The following DCC variants were observed in gnomAD, a reference collection of about 807,000 sequenced individuals.
DCC encodes netrin receptor DCC.
DCC carries 58 observed loss-of-function variants against 172.5 expected under a neutral mutation model. The ratio of observed to expected loss-of-function variants is 0.34; its 90% CI spans 0.27 to 0.42. The LOEUF is 0.42. Among genes scored for constraint, DCC ranks in the 10% least tolerant of loss-of-function variants. The pLI, the probability that DCC is intolerant of heterozygous loss-of-function variation, is 1.00. For missense variants in DCC, 1,740 were observed against 1,791.0 expected, an observed-to-expected ratio of 0.97 and a Z score of 0.51; for synonymous variants, 709 against 644.5, an observed-to-expected ratio of 1.10 and a Z score of -1.52.
intron 1 of DCC, among the ~76,000 whole-genome samples, chr18:52,510,466 A>G (rs746863795): frequency 2.6e-5 from 4 of 152,140 alleles, no homozygotes; most frequent in Non-Finnish European, 5.9e-5. Context: ...GATGCTGAAG[A>G]CATTTGGGCT....
chr18:53,080,789 A>T (rs1266503490), intron 7 of DCC, among the ~76,000 whole-genome samples: 1 of 152,090 alleles, frequency 6.6e-6, no homozygotes, highest in Admixed American at 6.6e-5. Context: ...GGAGCTTTTG[A>T]TGCTGACTGG....
In DCC at chr18:52,923,278, A is replaced by C. The variant is rs188107726; in HGVS notation, c.698-429A>C. Among the ~76,000 whole-genome samples, 611 of 152,264 alleles carry C rather than the reference A, an allele frequency of 4.0e-3. 6 individuals carry two copies. Among genetic ancestry groups the C allele is most frequent in the South Asian group, 3.5e-3 (17 of 4,832 alleles). Reference sequence around the variant, plus strand: ...CAATTTGAATATGTCAAATTCTAATATATTTGTTTCTCTTATTTTCCAAGC... The same window carrying C: ...CAATTTGAATATGTCAAATTCTAATCTATTTGTTTCTCTTATTTTCCAAGC... On this transcript the variant is annotated intron_variant, in intron 3 of 28. Transcript: ENST00000442544.
chr18:52,627,134 A>G (rs1397244534), intron 1 of DCC, among the ~76,000 whole-genome samples: 1 of 152,116 alleles, frequency 6.6e-6, no homozygotes, highest in Non-Finnish European at 1.5e-5. Context: ...CTGCAGAGAG[A>G]TGTCCTCAAG....
At chr18:52,833,208 G>A (rs900987174) in intron 2 of DCC, among the ~76,000 whole-genome samples, 2 of 152,120 alleles carry the variant, frequency 1.3e-5, no homozygotes, top group Admixed American at 6.5e-5. Context: ...CTGTCTGAGT[G>A]TTAGGGCCAC....
intron 12 of DCC, among the ~76,000 whole-genome samples, chr18:53,274,681 G>A (rs56399795): frequency 0.041 from 6,261 of 152,166 alleles, 394 homozygotes; most frequent in African/African-American, 0.14. Context: ...ACACCTATTC[G>A]TATTACAGAT....
intron 13 of DCC, among the ~76,000 whole-genome samples, chr18:53,319,682 T>C (rs1325733760): frequency 2.0e-5 from 3 of 152,184 alleles, no homozygotes; most frequent in African/African-American, 7.2e-5. Context: ...AATTCAAAAA[T>C]CACTGGGCAG....
At chr18:53,072,976 A>T (rs2042675901) in intron 7 of DCC, among the ~76,000 whole-genome samples, 1 of 152,198 alleles carries the variant, frequency 6.6e-6, no homozygotes, top group Non-Finnish European at 1.5e-5. Context: ...ATTAAATCAG[A>T]ATAATGTAAG....
intron 1 of DCC, among the ~76,000 whole-genome samples, chr18:52,489,452 A>G (rs1325966074): frequency 1.3e-5 from 2 of 152,132 alleles, no homozygotes; most frequent in Non-Finnish European, 2.9e-5. Flanking sequence ...ATAAAACCAA[A>G]CACACAGAGG....
intron 1 of DCC, among the ~76,000 whole-genome samples, chr18:52,640,169 G>T (rs947978573): frequency 2.6e-5 from 4 of 152,072 alleles, no homozygotes; most frequent in Non-Finnish European, 5.9e-5. Flanking sequence ...ATTGCCTTAT[G>T]ATTAAACTCT....
chr18:52,893,068 T>C (rs969664655), intron 2 of DCC, among the ~76,000 whole-genome samples: 2 of 152,092 alleles, frequency 1.3e-5, no homozygotes, highest in African/African-American at 4.8e-5. Flanking sequence ...ATTACCAAAT[T>C]AACTTTAATG....
chr18:53,485,790 G>A (rs2144356311), intron 25 of DCC, among the ~76,000 whole-genome samples: 1 of 152,052 alleles, frequency 6.6e-6, no homozygotes, highest in African/African-American at 2.4e-5. Context: ...GTTACAATAT[G>A]CAGTGTAATT....
chr18:53,137,665 G>A (rs919413627), intron 7 of DCC, among the ~76,000 whole-genome samples: 4 of 152,088 alleles, frequency 2.6e-5, no homozygotes, highest in African/African-American at 9.7e-5. Flanking sequence ...GGCCACTTTA[G>A]TGCATATCTA....
At chr18:52,447,203 G>T (rs369199734) in intron 1 of DCC, among the ~76,000 whole-genome samples, 3 of 152,056 alleles carry the variant, frequency 2.0e-5, no homozygotes, top group East Asian at 1.9e-4. Flanking sequence ...ATAACCCCCC[G>T]TCTTAGTCGA....
chr18:53,450,577 G>A lies in DCC; in HGVS notation c.3307G>A (p.Val1103Met). The change falls in exon 23 of 29, where the codon GTG (valine) becomes ATG (methionine). Residue 1103 changes from valine to methionine, a missense_variant. Physicochemically the swap from Val to Met is conservative, Grantham distance 21. Coordinates refer to ENST00000442544, the MANE Select transcript of DCC (RefSeq NM_005215.4). ...QKNSNLLVII[V>M]VTVGVITVLV... ...GAACAGCAACCTGCTTGTGATCATT[G>A]TGGTCACCGTTGGTGTCATCACAGT... is the stretch of plus-strand genomic sequence containing the variant. The A allele has an allele frequency of 6.2e-7, 1 of 1,613,914 alleles. No individual in the cohort carries two copies.
At chr18:53,293,547 T>C (rs549850122) in intron 12 of DCC, among the ~76,000 whole-genome samples, 1 of 152,312 alleles carries the variant, frequency 6.6e-6, no homozygotes, top group Non-Finnish European at 1.5e-5. Context: ...TAGGGGCTTG[T>C]TGTACAGATT....
intron 15 of DCC, among the ~76,000 whole-genome samples, chr18:53,366,184 G>A (rs1382276655): frequency 6.6e-6 from 1 of 152,000 alleles, no homozygotes; most frequent in East Asian, 1.9e-4. Context: ...AACCTCCTGA[G>A]TAGCTGGGAT....
At chr18:52,538,926 G>A (rs1345683541) in intron 1 of DCC, among the ~76,000 whole-genome samples, 1 of 152,216 alleles carries the variant, frequency 6.6e-6, no homozygotes, top group Non-Finnish European at 1.5e-5. Flanking sequence ...TGAATAATGT[G>A]TGGTGGATGA....
chr18:53,241,041 C>G (rs982406197), intron 12 of DCC, among the ~76,000 whole-genome samples: 1 of 152,000 alleles, frequency 6.6e-6, no homozygotes, highest in Non-Finnish European at 1.5e-5. Flanking sequence ...TCTTGGTAAC[C>G]GAGATCTTTG....
At chr18:52,712,795 C>T (rs952170996) in intron 1 of DCC, among the ~76,000 whole-genome samples, 1 of 152,192 alleles carries the variant, frequency 6.6e-6, no homozygotes. Context: ...AACCTGGAAG[C>T]AAATTGCCTG....
Sources: allele counts gnomAD v4.1 joint callset (sites outside exome capture counted in the v4.1 genomes callset), GRCh38; gene constraint gnomAD v4.1.1; transcripts MANE v1.5; gene names NCBI Gene and HGNC (gene_info 2026-07-23, HGNC 2026-07-21).